MRPL22: variants seen among roughly 807,000 people sequenced by gnomAD.
The protein encoded by MRPL22 is mitochondrial ribosomal protein L22.
Under a neutral mutation model 32.4 loss-of-function variants are expected in MRPL22, and 27 were observed. The ratio of observed to expected loss-of-function variants is 0.83; its 90% CI spans 0.61 to 1.15. The LOEUF (loss-of-function observed/expected upper bound fraction) is 1.15. Among genes scored for constraint, MRPL22 ranks in the 50% most tolerant of loss-of-function variants. The probability of loss-of-function intolerance (pLI) is 0.00; values close to 1 mark genes in which losing one functional copy is unlikely to be tolerated. For synonymous variants in MRPL22, 86 were observed against 87.3 expected (o/e 0.99, Z 0.08); for missense variants, 239 against 260.2 (o/e 0.92, Z 0.56).
rs1445554076 is a variant in MRPL22 at position 154,956,388 on chromosome 5, A to G, written c.213A>G (p.Arg71=). ...TTTGTAAGGAAATCTACCACTGTCG[A>G]AGACAAATAAAATATAGCAAAGACA... ...PRRPAEIYHC[R]RQIKYSKDKM... The change falls in exon 4 of 7, where the codon CGA becomes CGG. Residue 71 remains arginine (R), a synonymous_variant. Coordinates refer to ENST00000523037, the MANE Select transcript of MRPL22 (RefSeq NM_014180.4). The G allele has an allele frequency of 1.9e-6, 3 of 1,610,358 alleles. No homozygotes were observed. Among genetic ancestry groups the G allele is most frequent in the Non-Finnish European group, 2.5e-6 (3 of 1,177,220 alleles).
chr5:154,956,290 T>TA lies in MRPL22; in HGVS notation c.196-78dup, dbSNP rs1391655170. 7 of 920,416 alleles carry TA rather than the reference T, an allele frequency of 7.6e-6. No homozygotes were observed. The African/African-American group carries it at 1.2e-4, about 16-fold the overall frequency. The allele number at this position is 920,416 out of a possible 1,614,324, so 57.0% of individuals were successfully genotyped here. A position where few individuals can be genotyped will look rare whatever the true frequency, so the allele number is the denominator to read the frequency against. ...TCTTTAGGCCTAGAAAGTAAAAACT[T>TA]AAATAACAGTATATGTTATTGTCAT... is the stretch of plus-strand genomic sequence containing the variant. On this transcript the variant is annotated intron_variant, in intron 3 of 6. Transcript: ENST00000523037.
intron 6 of MRPL22, among the ~76,000 whole-genome samples, chr5:154,963,008 A>G (rs1222008451): frequency 3.3e-5 from 5 of 152,224 alleles, no homozygotes; most frequent in Admixed American, 1.3e-4. Flanking sequence ...GTGCGATCTC[A>G]GCTCACTGCA....
At chr5:154,957,063 CTT>C (rs755463815) in intron 4 of MRPL22, 70 bp from the exon 5 acceptor site, 44 of 1,382,012 alleles carry the variant, frequency 3.2e-5, no homozygotes, top group Non-Finnish European at 4.3e-5. Context: ...TTATGTAAGA[CTT>C]TCATTGAAAA....
At chr5:154,951,038 C>A (rs1764553824) in intron 3 of MRPL22, 100 bp downstream of exon 3, 2 of 758,190 alleles carry the variant, frequency 2.6e-6, no homozygotes, top group East Asian at 5.1e-5. Flanking sequence ...AATTATACAA[C>A]CATTCACTCT....
At chr5:154,962,681 A>G (rs17563007) in intron 6 of MRPL22, among the ~76,000 whole-genome samples, 1,855 of 152,284 alleles carry the variant, frequency 0.012, 11 homozygotes, top group Middle Eastern at 0.031. Context: ...TTCCCTTTCA[A>G]ACTTATAGTG....
At chr5:154,953,676 A>G (rs1764595242) in intron 3 of MRPL22, among the ~76,000 whole-genome samples, 1 of 147,876 alleles carries the variant, frequency 6.8e-6, no homozygotes, top group South Asian at 2.1e-4. Flanking sequence ...AAGCTCTAGT[A>G]AGAACTTTTT....
chr5:154,964,249 C>T (rs900541420), intron 6 of MRPL22, among the ~76,000 whole-genome samples: 1 of 152,168 alleles, frequency 6.6e-6, no homozygotes, highest in Non-Finnish European at 1.5e-5. Flanking sequence ...CAGGACAGAG[C>T]CTGGTACCCA....
intron 6 of MRPL22, among the ~76,000 whole-genome samples, chr5:154,965,864 C>T (rs983903669): frequency 4.6e-5 from 7 of 152,024 alleles, no homozygotes; most frequent in Admixed American, 1.3e-4. Context: ...AGTTGGGGTA[C>T]GGGTGTTTGC....
intron 5 of MRPL22, among the ~76,000 whole-genome samples, chr5:154,958,810 G>T (rs566215371): frequency 1.3e-5 from 2 of 152,144 alleles, no homozygotes; most frequent in South Asian, 4.1e-4. Context: ...CTGCCAAAGT[G>T]CTGGGATTAC....
In MRPL22 at chr5:154,957,506, C is replaced by T. The variant is rs931337330; in HGVS notation, c.339+294C>T. ...ATTTTTAATGATTTGGGGCTTGGTA[C>T]GTATATGTGTGTATTTGTGTGTATG... is the stretch of plus-strand genomic sequence containing the variant. On this transcript the variant is annotated intron_variant, in intron 5 of 6. Coordinates refer to ENST00000523037, the MANE Select transcript of MRPL22 (RefSeq NM_014180.4). Among the ~76,000 whole-genome samples, 4 of 151,606 alleles carry T rather than the reference C, an allele frequency of 2.6e-5. No homozygotes were observed. The East Asian group carries it at 5.8e-4, about 22-fold the overall frequency.
intron 2 of MRPL22, among the ~76,000 whole-genome samples, chr5:154,947,849 G>T (rs1764512594): frequency 6.6e-6 from 1 of 152,208 alleles, no homozygotes. Flanking sequence ...AAGGGATTAG[G>T]TGATGTTTCA....
intron 6 of MRPL22, among the ~76,000 whole-genome samples, chr5:154,960,444 C>G (rs1329431031): frequency 1.3e-5 from 2 of 152,004 alleles, no homozygotes; most frequent in African/African-American, 4.8e-5. Context: ...TTATAATGTG[C>G]CAAGCCAGAT....
chr5:154,950,990 T>A (rs1480052487), intron 3 of MRPL22, 52 bp downstream of exon 3: 1 of 1,126,086 alleles, frequency 8.9e-7, no homozygotes, highest in Non-Finnish European at 1.3e-6. Flanking sequence ...CTCTTACTCT[T>A]AAGTGATTAG....
chr5:154,957,233 G>A (rs1764642370), intron 5 of MRPL22, 21 bp downstream of exon 5: 4 of 1,594,198 alleles, frequency 2.5e-6, no homozygotes, highest in Non-Finnish European at 3.4e-6. Context: ...AAGTTTGGGT[G>A]TGGTAGGGAA....
At chr5:154,941,922 G>A (rs769573479) in intron 2 of MRPL22, among the ~76,000 whole-genome samples, 44 of 152,116 alleles carry the variant, frequency 2.9e-4, no homozygotes, top group Admixed American at 2.6e-4. Context: ...AAATTTTCTG[G>A]TCTGTCCATT....
intron 6 of MRPL22, among the ~76,000 whole-genome samples, chr5:154,964,004 T>C (rs527739850): frequency 6.6e-6 from 1 of 152,304 alleles, no homozygotes; most frequent in Admixed American, 6.5e-5. Context: ...AGTAGAAGTT[T>C]GACCTCGAGT....
At chr5:154,950,196 T>C (rs1320028580) in intron 2 of MRPL22, among the ~76,000 whole-genome samples, 2 of 152,100 alleles carry the variant, frequency 1.3e-5, no homozygotes, top group African/African-American at 4.8e-5. Flanking sequence ...TCAGATCTCA[T>C]GAGAACTCCC....
chr5:154,950,778 C>T (rs760131012), intron 2 of MRPL22, 43 bp from the exon 3 acceptor site: 11 of 1,258,176 alleles, frequency 8.7e-6, no homozygotes, highest in South Asian at 7.2e-5. Flanking sequence ...ACAGAAAGGT[C>T]CCCTAAGTGT....
Position 154,966,873 on chromosome 5 carries a change from C to T in MRPL22, c.597C>T (p.Ser199=). ...HAKEYIQQLR[S]RTIVHTL ...AAGAGTATATTCAGCAGCTTCGCAGCCGGACCATCGTTCACACTCTATGAT... is the reference window on the plus strand; with the variant it reads ...AAGAGTATATTCAGCAGCTTCGCAGTCGGACCATCGTTCACACTCTATGAT... The change falls in exon 7 of 7, where the codon AGC becomes AGT. Residue 199 remains serine, a synonymous_variant. Coordinates refer to ENST00000523037, the MANE Select transcript of MRPL22 (RefSeq NM_014180.4). 6.2e-7 allele frequency: 1 copy of T among 1,613,258 alleles called. No individual in the cohort carries two copies. Among genetic ancestry groups the T allele is most frequent in the Non-Finnish European group, 8.5e-7 (1 of 1,179,520 alleles).
Sources: gnomAD v4.1 joint callset for allele counts (sites outside exome capture counted in the v4.1 genomes callset) on GRCh38, gnomAD v4.1.1 for gene constraint, MANE v1.5 for transcripts, NCBI Gene and HGNC (gene_info 2026-07-23, HGNC 2026-07-21) for gene names.